LDB2: variants seen among roughly 807,000 people sequenced by gnomAD.
LDB2 encodes the protein LIM domain binding 2.
Under a neutral mutation model 44.3 loss-of-function variants are expected in LDB2, and 12 were observed. That is an observed-to-expected ratio of 0.27 (90% CI 0.17 to 0.44). The LOEUF is 0.44. Ranked by LOEUF, LDB2 falls within the 20% of genes least tolerant of loss-of-function variation. LDB2 has a pLI of 1.00. For missense variants in LDB2, 344 were observed against 473.5 expected (o/e 0.73, Z 2.54); for synonymous variants, 164 against 174.8 (o/e 0.94, Z 0.49).
At chr4:16,845,332 T>C (rs1786761501) in intron 1 of LDB2, among the ~76,000 whole-genome samples, 1 of 152,214 alleles carries the variant, frequency 6.6e-6, no homozygotes, top group Non-Finnish European at 1.5e-5. Context: ...CAGCTCTTTC[T>C]GTGACTATCC....
rs1470678097 is a variant in LDB2, at chr4:16,560,703, C to T, written c.615+25219G>A. On this transcript the variant is annotated intron_variant, in intron 5 of 7. Coordinates refer to ENST00000304523, the MANE Select transcript of LDB2 (RefSeq NM_001290.5). Reference sequence around the variant, plus strand: ...ATCAATAGAAAAAGAGGGAATCCTCCCTGACTCATTTTATGAGGCCAGCAT... The same window carrying T: ...ATCAATAGAAAAAGAGGGAATCCTCTCTGACTCATTTTATGAGGCCAGCAT... Among the ~76,000 whole-genome samples the T allele has an allele frequency of 2.0e-5, 3 of 152,290 alleles. No homozygotes were observed. The East Asian group carries it at 5.8e-4, about 29-fold the overall frequency.
At chr4:16,767,857 C>T (rs1579480140) in intron 1 of LDB2, among the ~76,000 whole-genome samples, 1 of 152,148 alleles carries the variant, frequency 6.6e-6, no homozygotes, top group African/African-American at 2.4e-5. Flanking sequence ...CACCAGCAGC[C>T]TAATCATATA....
chr4:16,895,328 A>G (rs1580571813), intron 1 of LDB2, among the ~76,000 whole-genome samples: 1 of 152,146 alleles, frequency 6.6e-6, no homozygotes, highest in Admixed American at 6.6e-5. Flanking sequence ...GATCCCCATG[A>G]GAAAATGCCC....
intron 1 of LDB2, among the ~76,000 whole-genome samples, chr4:16,872,521 T>C (rs1561501372): frequency 1.3e-5 from 2 of 152,206 alleles, no homozygotes; most frequent in African/African-American, 2.4e-5. Flanking sequence ...GTTAAAAGAA[T>C]CTTTGTTGTT....
At chr4:16,544,114 G>A (rs1734855613) in intron 5 of LDB2, among the ~76,000 whole-genome samples, 1 of 152,170 alleles carries the variant, frequency 6.6e-6, no homozygotes. Flanking sequence ...TACACTTTAT[G>A]AAGGAAAAAC....
chr4:16,704,075 T>A, intron 2 of LDB2, among the ~76,000 whole-genome samples: 2 of 152,138 alleles, frequency 1.3e-5, no homozygotes, highest in Middle Eastern at 6.8e-3. Flanking sequence ...GGAATCTGCA[T>A]CTTGAGTAGA....
Position 16,595,848 on chromosome 4 carries a change from T to A in LDB2, c.263A>T (p.Tyr88Phe). The part of the protein sequence containing the change: ...YTIGRTLIPR[Y>F]FSTVFEGGVT... ...CCCTCCTTCAAACACAGTGCTAAAG[T>A]AACGGGGGATGAGGGTCCTGCCGAT... The change falls in exon 3 of 8, where the codon TAC becomes TTC. Residue 88 changes from tyrosine (Y) to phenylalanine (F), a missense_variant. Physicochemically the swap from Tyr to Phe is conservative, Grantham distance 22 (BLOSUM62 3). This residue lies in a region of LDB2 where 226 missense variants were observed against 270.1 expected (regional missense o/e 0.84). Coordinates refer to ENST00000304523, the MANE Select transcript of LDB2 (RefSeq NM_001290.5). 1 of 1,612,860 alleles carries A rather than the reference T, an allele frequency of 6.2e-7. No individual in the cohort carries two copies. Among genetic ancestry groups the A allele is most frequent in the Non-Finnish European group, 8.5e-7 (1 of 1,179,474 alleles).
chr4:16,568,795 C>T (rs1394546287), intron 5 of LDB2, among the ~76,000 whole-genome samples: 9 of 152,214 alleles, frequency 5.9e-5, no homozygotes, highest in Admixed American at 4.6e-4. Flanking sequence ...GGTGGACCCT[C>T]GCAGTTCAAA....
intron 1 of LDB2, among the ~76,000 whole-genome samples, chr4:16,763,073 CCACACACACACACACACACA>C (rs57168902): frequency 7.1e-6 from 1 of 140,138 alleles, no homozygotes; most frequent in South Asian, 2.4e-4. Context: ...TTAGGTAACA[CCACACACACACACACACACA>C]CACACACACA....
chr4:16,805,040 T>C (rs777673431), intron 1 of LDB2, among the ~76,000 whole-genome samples: 1 of 150,680 alleles, frequency 6.6e-6, no homozygotes, highest in South Asian at 2.1e-4. Context: ...GGAGGAGAGA[T>C]GGAGAGAGAG....
chr4:16,824,765 A>T (rs1561357813), intron 1 of LDB2, among the ~76,000 whole-genome samples: 1 of 152,256 alleles, frequency 6.6e-6, no homozygotes, highest in African/African-American at 2.4e-5. Flanking sequence ...GTGTTCACCC[A>T]TGCTTTTAAG....
intron 2 of LDB2, among the ~76,000 whole-genome samples, chr4:16,659,134 C>T (rs911969061): frequency 1.3e-5 from 2 of 152,174 alleles, no homozygotes; most frequent in African/African-American, 2.4e-5. Context: ...CTTACATATA[C>T]GAAGGTTCTG....
At chr4:16,654,216 C>G (rs1240146018) in intron 2 of LDB2, among the ~76,000 whole-genome samples, 1 of 152,308 alleles carries the variant, frequency 6.6e-6, no homozygotes, top group East Asian at 1.9e-4. Flanking sequence ...CACCCAGGAA[C>G]TTCCCTGACA....
At chr4:16,856,991 CCTTT>C (rs1220975424) in intron 1 of LDB2, among the ~76,000 whole-genome samples, 1 of 152,142 alleles carries the variant, frequency 6.6e-6, no homozygotes, top group Non-Finnish European at 1.5e-5. Flanking sequence ...TAGTTTCCTG[CCTTT>C]ATTTCTTGCT....
At chr4:16,878,792 G>T (rs575318885) in intron 1 of LDB2, among the ~76,000 whole-genome samples, 6 of 152,082 alleles carry the variant, frequency 3.9e-5, no homozygotes, top group Non-Finnish European at 8.8e-5. Context: ...TCTTGGCATC[G>T]CATGTCCAAT....
At chr4:16,737,668 C>T (rs1347753620) in intron 2 of LDB2, among the ~76,000 whole-genome samples, 1 of 151,978 alleles carries the variant, frequency 6.6e-6, no homozygotes, top group Non-Finnish European at 1.5e-5. Context: ...ATATATTGAG[C>T]AAAGATAAAG....
intron 1 of LDB2, among the ~76,000 whole-genome samples, chr4:16,829,634 G>C (rs1322538629): frequency 6.6e-6 from 1 of 152,138 alleles, no homozygotes; most frequent in Non-Finnish European, 1.5e-5. Flanking sequence ...AATTACCGTA[G>C]TAATATACTA....
intron 3 of LDB2, among the ~76,000 whole-genome samples, chr4:16,592,478 AT>A (rs1285251122): frequency 1.6e-5 from 2 of 125,262 alleles, no homozygotes; most frequent in East Asian, 4.7e-4. Flanking sequence ...ATATATATAT[AT>A]ATATATATAT....
chr4:16,793,591 G>A (rs2109638833), intron 1 of LDB2, among the ~76,000 whole-genome samples: 1 of 152,300 alleles, frequency 6.6e-6, no homozygotes, highest in Admixed American at 6.5e-5. Context: ...CATACAAAAA[G>A]CAGTGTTTTG....
Sources: gnomAD v4.1 joint callset for allele counts (sites outside exome capture counted in the v4.1 genomes callset) on GRCh38, gnomAD v4.1.1 for gene constraint, gnomAD v4.1.1 regional missense constraint, MANE v1.5 for transcripts, NCBI Gene and HGNC (gene_info 2026-07-23, HGNC 2026-07-21) for gene names.